The following NXPH1 variants were observed in gnomAD, a reference collection of about 807,000 sequenced individuals.
NXPH1 encodes the protein neurexophilin 1.
In NXPH1, 5 loss-of-function variants were observed where a neutral mutation model predicts 23.7. That is an observed-to-expected ratio of 0.21 (90% CI 0.11 to 0.44). The LOEUF (loss-of-function observed/expected upper bound fraction) is 0.44, where lower values mean the gene tolerates loss of function less well. Ranked by LOEUF, NXPH1 falls within the 20% of genes least tolerant of loss-of-function variation. The pLI is 0.99. For missense variants in NXPH1, 324 were observed against 321.6 expected (o/e 1.01, Z -0.06); for synonymous variants, 144 against 122.2 (o/e 1.18, Z -1.18).
At position 8,569,640 on chromosome 7, in the gene NXPH1, CT is replaced by C. The variant is rs531228140; in HGVS notation, c.54+133874del. Among the ~76,000 whole-genome samples the C allele has an allele frequency of 2.1e-3, 319 of 151,946 alleles. 2 individuals carry two copies. Among genetic ancestry groups the C allele is most frequent in the African/African-American group, 7.2e-3 (299 of 41,504 alleles). On this transcript the variant is annotated intron_variant, in intron 2 of 2. Coordinates refer to ENST00000405863, the MANE Select transcript of NXPH1 (RefSeq NM_152745.3). ...GATGGGTCTATGGGAGATTATTACA[CT>C]CATCTCTATTTTTGTGTGTGTTTCA...
intron 2 of NXPH1, among the ~76,000 whole-genome samples, chr7:8,597,274 G>C (rs17152060): frequency 0.012 from 1,859 of 152,160 alleles, 35 homozygotes; most frequent in African/African-American, 0.043. Context: ...GCCATTAAAG[G>C]GTAAAGTTTA....
chr7:8,576,850 G>T (rs1818765048), intron 2 of NXPH1, among the ~76,000 whole-genome samples: 1 of 152,074 alleles, frequency 6.6e-6, no homozygotes, highest in African/African-American at 2.4e-5. Context: ...TAGGGTCAGA[G>T]TTATGTTTCC....
rs1395275002 is a variant in NXPH1, at chr7:8,752,760, A to T, written c.*991A>T. On this transcript the variant is annotated 3_prime_UTR_variant, in exon 3 of 3. Transcript: ENST00000405863. ...CTCTCTGCTTGTTATTGGTTAAGAA[A>T]AAAGGATATGAGGAATTCATTTTAT... 6.6e-6 allele frequency: 1 copy of T among 152,450 alleles called. No homozygotes were observed. The highest frequency in any genetic ancestry group is 1.5e-5 in the Non-Finnish European group (1 of 68,018). 9.4% of individuals were successfully genotyped at this position (152,450 alleles called of 1,614,324 possible).
At chr7:8,592,841 T>TC (rs111306634) in intron 2 of NXPH1, among the ~76,000 whole-genome samples, 2 of 151,468 alleles carry the variant, frequency 1.3e-5, no homozygotes, top group Non-Finnish European at 2.9e-5. Context: ...TTTTTTTTTT[T>TC]AAATGTTCCA....
At chr7:8,605,040 C>T (rs1267308938) in intron 2 of NXPH1, among the ~76,000 whole-genome samples, 1 of 152,020 alleles carries the variant, frequency 6.6e-6, no homozygotes, top group Non-Finnish European at 1.5e-5. Context: ...ACCATATTGC[C>T]ATATTTACTT....
chr7:8,517,050 A>G (rs1817697661), intron 2 of NXPH1, among the ~76,000 whole-genome samples: 1 of 152,186 alleles, frequency 6.6e-6, no homozygotes, highest in Admixed American at 6.5e-5. Flanking sequence ...GATCCAATCC[A>G]CAAATGTACT....
At chr7:8,733,991 G>A (rs948894110) in intron 2 of NXPH1, among the ~76,000 whole-genome samples, 1 of 151,972 alleles carries the variant, frequency 6.6e-6, no homozygotes, top group Non-Finnish European at 1.5e-5. Flanking sequence ...GTATTCCAGG[G>A]TTTTTATGGT....
intron 2 of NXPH1, among the ~76,000 whole-genome samples, chr7:8,462,527 C>T (rs1459443176): frequency 6.6e-6 from 1 of 152,180 alleles, no homozygotes; most frequent in East Asian, 1.9e-4. Context: ...CCCACAGTCA[C>T]TCAGCTAATG....
intron 2 of NXPH1, among the ~76,000 whole-genome samples, chr7:8,589,920 C>A (rs1163939918): frequency 3.3e-5 from 5 of 152,060 alleles, no homozygotes; most frequent in African/African-American, 7.2e-5. Flanking sequence ...AAATGAAATT[C>A]AATTCCCCAA....
At position 8,546,452 on chromosome 7, in the gene NXPH1, G is replaced by A. The variant is rs144184680; in HGVS notation, c.54+110685G>A. 9.9e-5 allele frequency among the ~76,000 whole-genome samples: 15 copies of A among 151,454 alleles called. 1 individual carries two copies. The highest frequency in any genetic ancestry group is 3.4e-3 in the Middle Eastern group (1 of 294). ...GCTTCCTTAAAAATTTGTCCCTTTAGATCACACTGCAATCTATGGACTCTG... is the reference window on the plus strand; with the variant it reads ...GCTTCCTTAAAAATTTGTCCCTTTAAATCACACTGCAATCTATGGACTCTG... On this transcript the variant is annotated intron_variant, in intron 2 of 2. Transcript: ENST00000405863.
rs78928764 is a variant in NXPH1 at position 8,644,682 on chromosome 7, A to G, written c.55-106326A>G. 7.3e-3 allele frequency among the ~76,000 whole-genome samples: 1,108 copies of G among 152,252 alleles called. 12 individuals carry two copies. Among genetic ancestry groups the G allele is most frequent in the African/African-American group, 0.025 (1,043 of 41,548 alleles). On this transcript the variant is annotated intron_variant, in intron 2 of 2. Transcript: ENST00000405863. ...ACAGACTAGGACTTTTTTTGTGAAT[A>G]TAAAATATCTAATATCTAAATATAA... is the stretch of plus-strand genomic sequence containing the variant.
At chr7:8,518,165 AG>A (rs1340938085) in intron 2 of NXPH1, among the ~76,000 whole-genome samples, 1 of 152,154 alleles carries the variant, frequency 6.6e-6, no homozygotes, top group Non-Finnish European at 1.5e-5. Context: ...ATATTACTAA[AG>A]GGTACAGGTC....
chr7:8,475,918 A>G (rs547776649), intron 2 of NXPH1, among the ~76,000 whole-genome samples: 13 of 152,218 alleles, frequency 8.5e-5, no homozygotes, highest in Non-Finnish European at 1.5e-4. Flanking sequence ...GATAATACCC[A>G]TGTCTGCCAC....
intron 2 of NXPH1, among the ~76,000 whole-genome samples, chr7:8,539,590 G>A (rs1456023474): frequency 6.6e-6 from 1 of 151,610 alleles, no homozygotes; most frequent in Non-Finnish European, 1.5e-5. Flanking sequence ...CACATATTAT[G>A]TATAAGGATG....
At chr7:8,550,550 C>G (rs1299558642) in intron 2 of NXPH1, among the ~76,000 whole-genome samples, 4 of 151,394 alleles carry the variant, frequency 2.6e-5, no homozygotes, top group Admixed American at 2.6e-4. Context: ...TTTTCATTGA[C>G]TTTTAAAAAT....
intron 2 of NXPH1, among the ~76,000 whole-genome samples, chr7:8,475,579 T>C (rs6971952): frequency 0.018 from 2,814 of 152,262 alleles, 80 homozygotes; most frequent in African/African-American, 0.064. Context: ...CATATGACTT[T>C]CTTCTCTGCT....
chr7:8,614,119 T>G (rs916945297), intron 2 of NXPH1, among the ~76,000 whole-genome samples: 3 of 151,786 alleles, frequency 2.0e-5, no homozygotes, highest in African/African-American at 7.3e-5. Flanking sequence ...CAGATTTATT[T>G]ATAATTATTG....
At chr7:8,746,958 T>G (rs1163781580) in intron 2 of NXPH1, among the ~76,000 whole-genome samples, 1 of 152,128 alleles carries the variant, frequency 6.6e-6, no homozygotes, top group East Asian at 1.9e-4. Flanking sequence ...GATTATAAAT[T>G]AATAATTTAC....
chr7:8,712,306 A>G (rs1245514407), intron 2 of NXPH1, among the ~76,000 whole-genome samples: 1 of 152,244 alleles, frequency 6.6e-6, no homozygotes, highest in Admixed American at 6.5e-5. Flanking sequence ...TGAATTAAAT[A>G]TACATTAGAT....
Sources: allele counts gnomAD v4.1 joint callset (sites outside exome capture counted in the v4.1 genomes callset), GRCh38; gene constraint gnomAD v4.1.1; transcripts MANE v1.5; gene names NCBI Gene and HGNC (gene_info 2026-07-23, HGNC 2026-07-21).